The following STK33 variants were observed in gnomAD, a reference collection of about 807,000 sequenced individuals.
The protein encoded by STK33 is serine/threonine kinase 33, also known as serine/threonine-protein kinase 33.
In STK33, 52 loss-of-function variants were observed where a neutral mutation model predicts 58.0. That is an observed-to-expected ratio of 0.90 (90% CI 0.72 to 1.13). STK33 has a LOEUF of 1.13. Ranked by LOEUF, STK33 falls within the 50% of genes most tolerant of loss-of-function variation. STK33 has a pLI of 0.00. For synonymous variants in STK33, 215 were observed against 200.1 expected (o/e 1.07, Z -0.63); for missense variants, 630 against 604.2 (o/e 1.04, Z -0.45).
intron 1 of STK33, among the ~76,000 whole-genome samples, chr11:8,509,979 C>T (rs1952179961): frequency 6.6e-6 from 1 of 152,090 alleles, no homozygotes; most frequent in South Asian, 2.1e-4. Context: ...GTGCATGTGT[C>T]TTTTTTATAT....
At chr11:8,430,924 T>C (rs10840045) in intron 14 of STK33, among the ~76,000 whole-genome samples, 19,997 of 149,160 alleles carry the variant, frequency 0.13, 2,463 homozygotes, top group African/African-American at 0.32. Context: ...TGGAGTGCAG[T>C]GGTGCGATCT....
chr11:8,591,877 C>A (rs1270913025), intron 1 of STK33, among the ~76,000 whole-genome samples: 1 of 151,686 alleles, frequency 6.6e-6, no homozygotes, highest in African/African-American at 2.4e-5. Context: ...AGGAGATATA[C>A]CTAATGCTAA....
rs1327545375 is a variant in STK33, at chr11:8,594,121, C to G, written c.-504G>C. 6.6e-6 allele frequency: 1 copy of G among 152,324 alleles called. No individual in the cohort carries two copies. The allele number at this position is 152,324 out of a possible 1,614,324, so 9.4% of individuals were successfully genotyped here. On this transcript the variant is annotated 5_prime_UTR_variant, in exon 1 of 16. Transcript: ENST00000687296. Reference sequence around the variant, plus strand: ...CTGGCGGGTCTCCGACAGGTGCGCACACTCGGCGCAGGCTGTCGCTGAGCC... The same window carrying G: ...CTGGCGGGTCTCCGACAGGTGCGCAGACTCGGCGCAGGCTGTCGCTGAGCC...
chr11:8,505,598 T>C (rs866736168), intron 1 of STK33, among the ~76,000 whole-genome samples: 5 of 152,172 alleles, frequency 3.3e-5, no homozygotes, highest in Admixed American at 1.3e-4. Context: ...CCACGTGTTC[T>C]TGGATCACAC....
At chr11:8,510,483 A>G (rs1952225998) in intron 1 of STK33, among the ~76,000 whole-genome samples, 1 of 151,298 alleles carries the variant, frequency 6.6e-6, no homozygotes, top group Admixed American at 6.6e-5. Context: ...TTTTTTTGGT[A>G]GTGTGGAAGC....
intron 1 of STK33, among the ~76,000 whole-genome samples, chr11:8,532,046 A>G (rs1023517652): frequency 2.0e-5 from 3 of 152,228 alleles, no homozygotes; most frequent in African/African-American, 7.2e-5. Context: ...AAAGAAGAGA[A>G]GTGTAATATT....
chr11:8,363,494 A>G, the STK33 span, among the ~76,000 whole-genome samples: 2 of 151,556 alleles, frequency 1.3e-5, no homozygotes, highest in Admixed American at 1.3e-4. Context: ...TCTGGCTTCT[A>G]CCCCCATAGA....
intron 11 of STK33, among the ~76,000 whole-genome samples, chr11:8,448,692 C>T (rs1221663777): frequency 1.3e-5 from 2 of 151,986 alleles, no homozygotes; most frequent in South Asian, 2.1e-4. Context: ...AGAAGAAAAC[C>T]TAGGCAATAC....
At chr11:8,522,223 C>G (rs904193826) in intron 1 of STK33, among the ~76,000 whole-genome samples, 12 of 152,310 alleles carry the variant, frequency 7.9e-5, no homozygotes, top group African/African-American at 2.9e-4. Context: ...TTGGAACCAA[C>G]CCAAATGTCC....
At chr11:8,526,665 T>C (rs993338589) in intron 1 of STK33, among the ~76,000 whole-genome samples, 1 of 152,114 alleles carries the variant, frequency 6.6e-6, no homozygotes, top group Non-Finnish European at 1.5e-5. Flanking sequence ...TGGCTTATTA[T>C]TCTGCATGTT....
At chr11:8,463,811 A>C (rs1290735678) in intron 7 of STK33, among the ~76,000 whole-genome samples, 1 of 152,186 alleles carries the variant, frequency 6.6e-6, no homozygotes, top group African/African-American at 2.4e-5. Flanking sequence ...TATATAACCC[A>C]AAAACTGAAC....
intron 1 of STK33, among the ~76,000 whole-genome samples, chr11:8,490,478 G>A (rs563487673): frequency 3.9e-5 from 6 of 152,308 alleles, no homozygotes; most frequent in Admixed American, 2.0e-4. Context: ...TAGACTCCAC[G>A]TCTGGGGGCA....
chr11:8,564,744 G>C (rs1384872130), intron 1 of STK33, among the ~76,000 whole-genome samples: 1 of 152,130 alleles, frequency 6.6e-6, no homozygotes, highest in Non-Finnish European at 1.5e-5. Context: ...AAAAACAAAA[G>C]ATAAATGCTA....
At position 8,423,887 on chromosome 11, in the gene STK33, T is replaced by C. The variant is rs536843997; in HGVS notation, c.1147-10195A>G. 3.0e-4 allele frequency among the ~76,000 whole-genome samples: 45 copies of C among 152,230 alleles called. 1 individual carries two copies. Among genetic ancestry groups the C allele is most frequent in the African/African-American group, 1.0e-3 (42 of 41,572 alleles). The stretch of plus-strand genomic sequence containing the variant: ...ATTTAAGGTTATTTTATTAGTTGCA[T>C]ACATTATTAAAATTACTATATAATC... On this transcript the variant is annotated intron_variant, in intron 14 of 15. Transcript: ENST00000687296.
chr11:8,515,861 T>C (rs1206145594), intron 1 of STK33, among the ~76,000 whole-genome samples: 2 of 152,084 alleles, frequency 1.3e-5, no homozygotes, highest in Non-Finnish European at 2.9e-5. Flanking sequence ...AAAGACCATA[T>C]ATGAAAAGCC....
intron 7 of STK33, among the ~76,000 whole-genome samples, chr11:8,462,645 T>A (rs1947706337): frequency 6.6e-6 from 1 of 150,434 alleles, no homozygotes; most frequent in Admixed American, 6.6e-5. Flanking sequence ...GAGAGAGAGA[T>A]CTTGCCTTCA....
intron 8 of STK33, among the ~76,000 whole-genome samples, chr11:8,459,382 G>A (rs531751768): frequency 1.3e-5 from 2 of 152,156 alleles, no homozygotes; most frequent in Non-Finnish European, 2.9e-5. Context: ...TGAATTAAGG[G>A]AAAGCAATAC....
chr11:8,501,682 A>G (rs1000107423), intron 1 of STK33, among the ~76,000 whole-genome samples: 8 of 152,176 alleles, frequency 5.3e-5, no homozygotes, highest in Non-Finnish European at 1.0e-4. Flanking sequence ...CAGCAATTCT[A>G]CTCTTAGATC....
chr11:8,586,844 A>G (rs1343214580), intron 1 of STK33, among the ~76,000 whole-genome samples: 1 of 151,526 alleles, frequency 6.6e-6, no homozygotes, highest in East Asian at 1.9e-4. Flanking sequence ...AAAAAAAAAA[A>G]AAAAAATTAT....
Sources: allele counts gnomAD v4.1 joint callset (sites outside exome capture counted in the v4.1 genomes callset), GRCh38; gene constraint gnomAD v4.1.1; transcripts MANE v1.5; gene names NCBI Gene and HGNC (gene_info 2026-07-23, HGNC 2026-07-21).